Variants in SNAI3 observed in about 807,000 individuals in gnomAD.
SNAI3 encodes zinc finger protein SNAI3.
SNAI3 carries 21 observed loss-of-function variants against 16.4 expected under a neutral mutation model. The observed-to-expected ratio is 1.28, with a 90% CI of 0.91 to 1.85. SNAI3 has a LOEUF of 1.85. Among genes scored for constraint, SNAI3 ranks in the 40% most tolerant of loss-of-function variants. SNAI3 has a pLI of 0.00. For synonymous variants in SNAI3, 202 were observed against 166.6 expected (o/e 1.21, Z -1.64); for missense variants, 457 against 372.8 (o/e 1.23, Z -1.86).
rs1909037750 is a variant in SNAI3 at position 88,678,237 on chromosome 16, G to C, written c.*211C>G. On this transcript the variant is annotated 3_prime_UTR_variant, in exon 3 of 3. Coordinates refer to ENST00000332281, the MANE Select transcript of SNAI3 (RefSeq NM_178310.4). Reference sequence around the variant, plus strand: ...CCGGGAGAGGAGTCTCCTCTGAGTGGGCTCCGCGCGGTGGGATGCCTGGGG... The same window carrying C: ...CCGGGAGAGGAGTCTCCTCTGAGTGCGCTCCGCGCGGTGGGATGCCTGGGG... 2 of 536,220 alleles carry C rather than the reference G, an allele frequency of 3.7e-6. No individual in the cohort carries two copies. The highest frequency in any genetic ancestry group is 6.6e-6 in the Non-Finnish European group (2 of 301,668). The allele number at this position is 536,220 out of a possible 1,614,324, so 33.2% of individuals were successfully genotyped here.
rs145970254 is a variant in SNAI3, at chr16:88,681,106, G to A, written c.685C>T (p.Arg229Cys). Residue 229 changes from arginine to cysteine, a missense_variant, in exon 2 of 3, where the codon CGC becomes TGC. By Grantham distance (180) the Arg-to-Cys change is radical. Transcript: ENST00000332281. This position sits in a 1 kb window ranked among gnomAD's most constrained non-coding sequence, Gnocchi z 5.4. Reference protein sequence around the residue: ...SRPWLLQGHVRTHTGEKPYAC... With the variant: ...SRPWLLQGHVCTHTGEKPYAC... The stretch of plus-strand genomic sequence containing the variant: ...CACCCTGTCCTACCTGTGTGGGTGC[G>A]GACATGGCCCTGCAGTAACCAGGGC... 3,582 of 1,610,998 alleles carry A rather than the reference G, an allele frequency of 2.2e-3. 6 individuals are homozygous for A. Among genetic ancestry groups the A allele is most frequent in the Non-Finnish European group, 2.7e-3 (3,181 of 1,178,156 alleles).
rs368611326 is a variant in SNAI3 at position 88,679,804 on chromosome 16, G to A, written c.698-1175C>T. On this transcript the variant is annotated intron_variant, in intron 2 of 2. Coordinates refer to ENST00000332281, the MANE Select transcript of SNAI3 (RefSeq NM_178310.4). ...AAAAGAAAAAGTGTGAACTAGCTGG[G>A]CACAGTGGCTCATGCCTGTAATCCC... 8.7e-4 allele frequency among the ~76,000 whole-genome samples: 127 copies of A among 146,608 alleles called. 1 individual carries two copies. The South Asian group carries it at 0.017, about 20-fold the overall frequency.
intron 2 of SNAI3, 112 bp from the exon 3 acceptor site, chr16:88,678,741 C>T: frequency 6.8e-7 from 1 of 1,460,136 alleles, no homozygotes; most frequent in South Asian, 1.4e-5. Flanking sequence ...ATGCTCACAG[C>T]CAGAGCACCC....
intron 1 of SNAI3, chr16:88,685,582 G>A (rs1028100622): frequency 1.3e-5 from 2 of 152,242 alleles, no homozygotes; most frequent in Admixed American, 1.3e-4. Context: ...TCCTCTGAAG[G>A]ACAGAGTCCT....
At chr16:88,678,799 C>G (rs895733391) in intron 2 of SNAI3, 170 bp from the exon 3 acceptor site, 15 of 985,334 alleles carry the variant, frequency 1.5e-5, no homozygotes, top group Non-Finnish European at 1.8e-5. Flanking sequence ...TCACCTGAAG[C>G]CCCTCCCAGG....
chr16:88,678,647 C>T lies in SNAI3; in HGVS notation c.698-18G>A, dbSNP rs200646125. 21 of 1,465,942 alleles carry T rather than the reference C, an allele frequency of 1.4e-5. No homozygotes were observed. Among genetic ancestry groups the T allele is most frequent in the East Asian group, 9.1e-5 (4 of 44,108 alleles). 90.8% of individuals were successfully genotyped at this position (1,465,942 alleles called of 1,614,324 possible). ...CTTCTCCCCTGTGGGAGGAAGGCGG[C>T]GGCCAGTGACACCATGGAAGATGGA... On this transcript the variant is annotated intron_variant, in intron 2 of 2. Coordinates refer to ENST00000332281, the MANE Select transcript of SNAI3 (RefSeq NM_178310.4).
chr16:88,682,951 A>AT lies in SNAI3; in HGVS notation c.77-1238dup, dbSNP rs1247817810. 8.2e-5 allele frequency among the ~76,000 whole-genome samples: 12 copies of AT among 146,054 alleles called. 1 individual carries two copies. In the South Asian group the frequency reaches 2.4e-3, roughly 29 times the overall value. On this transcript the variant is annotated intron_variant, in intron 1 of 2. Coordinates refer to ENST00000332281, the MANE Select transcript of SNAI3 (RefSeq NM_178310.4). ...CACCACGCCCGGCTAATTTTTTTGT[A>AT]TTTTTTTTGTAGAGACAGGATTTCA...
At position 88,680,150 on chromosome 16, in the gene SNAI3, G is replaced by A. The variant is rs575423195; in HGVS notation, c.697+944C>T. Among the ~76,000 whole-genome samples, 32 of 151,492 alleles carry A rather than the reference G, an allele frequency of 2.1e-4. No homozygotes were observed. In the East Asian group the frequency reaches 3.9e-3, roughly 18 times the overall value. On this transcript the variant is annotated intron_variant, in intron 2 of 2. Transcript: ENST00000332281. Reference sequence around the variant, plus strand: ...GTGGAGACTGAAGCTTATTCCTGGCGCCCTTTCTTCCTTTCTGTTTTTATT... The same window carrying A: ...GTGGAGACTGAAGCTTATTCCTGGCACCCTTTCTTCCTTTCTGTTTTTATT...
chr16:88,681,668 GA>G lies in SNAI3; in HGVS notation c.122del (p.Leu41ProfsTer69), dbSNP rs1165561118. On this transcript the variant is annotated frameshift_variant, in exon 2 of 3. Coordinates refer to ENST00000332281, the MANE Select transcript of SNAI3 (RefSeq NM_178310.4). LOFTEE classifies it high-confidence loss of function. This position sits in a 1 kb window ranked among gnomAD's most constrained non-coding sequence, Gnocchi z 5.4. ...AAGGGGCCTCCTTGTCTCGGGGGAG[GA>G]GGGGCACCACCAGCCCCCCACAGGC... ...CSACGGLVVPLLPRDKEAPSV... is the reference protein window; with the variant it reads ...CSACGGLVVPXLPRDKEAPSV... The G allele has an allele frequency of 6.8e-7, 1 of 1,478,474 alleles. No individual in the cohort carries two copies. The highest frequency in any genetic ancestry group is 9.0e-7 in the Non-Finnish European group (1 of 1,112,344). 91.6% of individuals were successfully genotyped at this position (1,478,474 alleles called of 1,614,324 possible).
In SNAI3 at chr16:88,681,695, A is replaced by G; in HGVS notation, c.96T>C (p.Ser32=). Residue 32 remains serine, a synonymous_variant, in exon 2 of 3, where the codon TCT becomes TCC. Coordinates refer to ENST00000332281, the MANE Select transcript of SNAI3 (RefSeq NM_178310.4). This position sits in a 1 kb window ranked among gnomAD's most constrained non-coding sequence, Gnocchi z 5.4. ...GGGGCACCACCAGCCCCCCACAGGC[A>G]GAGCAGGCACCATTGATTTCTAGAG... ...ETQREINGAC[S]ACGGLVVPLL... 2 of 1,471,214 alleles carry G rather than the reference A, an allele frequency of 1.4e-6. No individual in the cohort carries two copies. The highest frequency in any genetic ancestry group is 1.8e-6 in the Non-Finnish European group (2 of 1,108,620). The allele number at this position is 1,471,214 out of a possible 1,614,324, so 91.1% of individuals were successfully genotyped here. A position where few individuals can be genotyped will look rare whatever the true frequency, so the allele number is the denominator to read the frequency against.
chr16:88,681,867 G>A lies in SNAI3; in HGVS notation c.77-153C>T, dbSNP rs1391144610. ...ACCTGCATGCAGACCCAGCTTGCAA[G>A]GGAGCTGGCGGTGCTGTGCAGGGAA... On this transcript the variant is annotated intron_variant, in intron 1 of 2. Coordinates refer to ENST00000332281, the MANE Select transcript of SNAI3 (RefSeq NM_178310.4). The surrounding 1 kb of genome is among the most constrained non-coding windows in gnomAD (Gnocchi z 5.4). Among the ~76,000 whole-genome samples, 1 of 152,248 alleles carries A rather than the reference G, an allele frequency of 6.6e-6. No homozygotes were observed. Among genetic ancestry groups the A allele is most frequent in the Non-Finnish European group, 1.5e-5 (1 of 68,038 alleles).
chr16:88,686,440 G>A lies in SNAI3; in HGVS notation c.-34C>T. The A allele has an allele frequency of 1.9e-6, 3 of 1,597,770 alleles. No individual in the cohort carries two copies. The highest frequency in any genetic ancestry group is 1.7e-5 in the Admixed American group (1 of 59,148). On this transcript the variant is annotated 5_prime_UTR_variant, in exon 1 of 3. It introduces an in-frame stop codon into an upstream open reading frame of the 5' UTR. Transcript: ENST00000332281. ...CCCGGGCGGCAGGCCGGGGTGGGCT[G>A]GGGCGGGAGGGGCGCGCCTGGGTCC...
At position 88,686,147 on chromosome 16, in the gene SNAI3, G is replaced by C. The variant is rs940208348; in HGVS notation, c.76+184C>G. 6 of 704,760 alleles carry C rather than the reference G, an allele frequency of 8.5e-6. No homozygotes were observed. In the African/African-American group the frequency reaches 1.1e-4, roughly 13 times the overall value. The allele number at this position is 704,760 out of a possible 1,614,324, so 43.7% of individuals were successfully genotyped here. ...TGCCGGAGGCGGGGCTCAGTGCCCT[G>C]AAGTGGAGGCGCCCGTGGGCCACCT... is the stretch of plus-strand genomic sequence containing the variant. On this transcript the variant is annotated intron_variant, in intron 1 of 2. Transcript: ENST00000332281.
rs985700557 is a variant in SNAI3 at position 88,681,662 on chromosome 16, G to A, written c.129C>T (p.Pro43=). The change falls in exon 2 of 3, where the codon CCC becomes CCT. Residue 43 remains proline (P), a synonymous_variant. Transcript: ENST00000332281. The surrounding 1 kb of genome is among the most constrained non-coding windows in gnomAD (Gnocchi z 5.4). The stretch of plus-strand genomic sequence containing the variant: ...GCACAGAAGGGGCCTCCTTGTCTCG[G>A]GGGAGGAGGGGCACCACCAGCCCCC... ...ACGGLVVPLL[P]RDKEAPSVPG... The A allele has an allele frequency of 8.1e-6, 12 of 1,477,420 alleles. No individual in the cohort carries two copies. Among genetic ancestry groups the A allele is most frequent in the Admixed American group, 2.4e-5 (1 of 41,326 alleles). 91.5% of individuals were successfully genotyped at this position (1,477,420 alleles called of 1,614,324 possible).
chr16:88,684,776 C>T (rs1472509708), intron 1 of SNAI3, among the ~76,000 whole-genome samples: 2 of 152,234 alleles, frequency 1.3e-5, no homozygotes, highest in African/African-American at 2.4e-5. Flanking sequence ...CAGGCATGAG[C>T]CGCCACACCC....
chr16:88,679,222 G>T, intron 2 of SNAI3: 1 of 539,216 alleles, frequency 1.9e-6, no homozygotes, highest in Non-Finnish European at 2.4e-6. Context: ...TCCTGGCCAG[G>T]CCAGCCTCCC....
rs894914992 is a variant in SNAI3, at chr16:88,681,203, A to G, written c.588T>C (p.Gly196=). The G allele has an allele frequency of 1.2e-6, 2 of 1,613,736 alleles. No homozygotes were observed. The highest frequency in any genetic ancestry group is 1.7e-6 in the Non-Finnish European group (2 of 1,179,986). ...GAGTGCGGATGTGCATCTTGAGGGCACCCAGGCTGGTGTACTCCTTGTCGC... is the reference window on the plus strand; with the variant it reads ...GAGTGCGGATGTGCATCTTGAGGGCGCCCAGGCTGGTGTACTCCTTGTCGC... ...KYCDKEYTSL[G]ALKMHIRTHT... The change falls in exon 2 of 3, where the codon GGT becomes GGC. Residue 196 remains glycine, a synonymous_variant. Coordinates refer to ENST00000332281, the MANE Select transcript of SNAI3 (RefSeq NM_178310.4). This position sits in a 1 kb window ranked among gnomAD's most constrained non-coding sequence, Gnocchi z 5.4.
rs532798977 is a variant in SNAI3 at position 88,678,720 on chromosome 16, C to T, written c.698-91G>A. 1.9e-5 allele frequency: 28 copies of T among 1,481,102 alleles called. No homozygotes were observed. The African/African-American group carries it at 3.2e-4, about 17-fold the overall frequency. 91.7% of individuals were successfully genotyped at this position (1,481,102 alleles called of 1,614,324 possible). ...TGCCCATCAATGGATACTCCCATCC[C>T]TTCCCCACAAATGCTCACAGCCAGA... On this transcript the variant is annotated intron_variant, in intron 2 of 2. Coordinates refer to ENST00000332281, the MANE Select transcript of SNAI3 (RefSeq NM_178310.4).
intron 1 of SNAI3, among the ~76,000 whole-genome samples, chr16:88,682,439 G>C (rs1379612215): frequency 2.0e-5 from 3 of 152,246 alleles, no homozygotes; most frequent in Non-Finnish European, 4.4e-5. Context: ...CACACCACAT[G>C]GGTGATCCAT....
Sources: gnomAD v4.1 joint callset for allele counts (sites outside exome capture counted in the v4.1 genomes callset) on GRCh38, gnomAD v4.1.1 for gene constraint, Gnocchi (gnomAD v3.1) non-coding constraint, MANE v1.5 for transcripts, NCBI Gene and HGNC (gene_info 2026-07-23, HGNC 2026-07-21) for gene names.